Variants in TRAK2 observed in about 807,000 individuals in gnomAD.
The protein encoded by TRAK2 is trafficking kinesin-binding protein 2.
In TRAK2, 81 loss-of-function variants were observed where a neutral mutation model predicts 104.6. That is an observed-to-expected ratio of 0.77 (90% CI 0.65 to 0.93). The LOEUF is 0.93. Among genes scored for constraint, TRAK2 ranks in the 40% least tolerant of loss-of-function variants. TRAK2 has a pLI of 0.00. For missense variants in TRAK2, 1,002 were observed against 1,089.0 expected (o/e 0.92, Z 1.12); for synonymous variants, 406 against 394.4 (o/e 1.03, Z -0.35).
intron 9 of TRAK2, among the ~76,000 whole-genome samples, chr2:201,394,592 C>T (rs1219993006): frequency 1.3e-5 from 2 of 151,886 alleles, no homozygotes; most frequent in African/African-American, 4.8e-5. Flanking sequence ...CCACCCACCT[C>T]GGCCTCCCAA....
intron 1 of TRAK2, 63 bp downstream of exon 1, chr2:201,451,287 C>T (rs1444443001): frequency 2.6e-5 from 4 of 152,250 alleles, no homozygotes; most frequent in African/African-American, 9.6e-5. Flanking sequence ...ACGAGGAGGT[C>T]CCTCCGCTTT....
chr2:201,397,831 TCA>T lies in TRAK2; in HGVS notation c.691-253_691-252del. The T allele has an allele frequency of 2.3e-5, 13 of 554,654 alleles. No individual in the cohort carries two copies. The South Asian group carries it at 3.3e-4, about 14-fold the overall frequency. The allele number at this position is 554,654 out of a possible 1,614,324, so 34.4% of individuals were successfully genotyped here. On this transcript the variant is annotated intron_variant, in intron 6 of 15. Transcript: ENST00000332624. Reference sequence around the variant, plus strand: ...TTGTGATTTTCTGAGATAGTTCTTATCACAGTTGTAACTACTTAGTTACTTGT... The same window carrying T: ...TTGTGATTTTCTGAGATAGTTCTTATCAGTTGTAACTACTTAGTTACTTGT...
At chr2:201,395,177 A>T in intron 8 of TRAK2, 137 bp downstream of exon 8, 1 of 694,540 alleles carries the variant, frequency 1.4e-6, no homozygotes, top group Non-Finnish European at 2.3e-6. Context: ...AAAGATGATT[A>T]AAACAGCAAT....
Position 201,447,346 on chromosome 2 carries a change from T to C in TRAK2, c.-200+4004A>G, listed in dbSNP as rs545023634. Among the ~76,000 whole-genome samples, 4 of 152,378 alleles carry C rather than the reference T, an allele frequency of 2.6e-5. No homozygotes were observed. The South Asian group carries it at 8.3e-4, about 32-fold the overall frequency. On this transcript the variant is annotated intron_variant, in intron 1 of 15. Transcript: ENST00000332624. The surrounding 1 kb of genome is among the most constrained non-coding windows in gnomAD (Gnocchi z 4.1). ...AAGGCTTTTTGTATGTCAACTTCTA[T>C]CACCTAACCACAGCTTAAAGCCTTT...
At chr2:201,411,797 T>C in intron 2 of TRAK2, 1 of 805,222 alleles carries the variant, frequency 1.2e-6, no homozygotes, top group Admixed American at 1.7e-5. Context: ...CTAAGCACAC[T>C]AATGAATTTA....
chr2:201,440,294 T>C (rs921405335), intron 1 of TRAK2, among the ~76,000 whole-genome samples: 1 of 152,128 alleles, frequency 6.6e-6, no homozygotes, highest in African/African-American at 2.4e-5. Context: ...TACACTTTAC[T>C]GTTGCTAGCT....
At chr2:201,392,232 C>T (rs2714485) in intron 10 of TRAK2, among the ~76,000 whole-genome samples, 147,630 of 152,232 alleles carry the variant, frequency 0.97, 71,746 homozygotes, top group East Asian at 1. Context: ...CTTTATACTA[C>T]TCTTGGAACT....
chr2:201,397,130 T>C (rs950428918), intron 7 of TRAK2, among the ~76,000 whole-genome samples: 3 of 152,234 alleles, frequency 2.0e-5, no homozygotes, highest in Non-Finnish European at 4.4e-5. Flanking sequence ...TTAGGTTTTA[T>C]GCCATCATTT....
At chr2:201,399,622 T>C (rs1951532758) in intron 4 of TRAK2, 129 bp from the exon 5 acceptor site, 2 of 644,956 alleles carry the variant, frequency 3.1e-6, no homozygotes, top group African/African-American at 1.8e-5. Flanking sequence ...CATTCATTCA[T>C]TAAAATGAAT....
intron 15 of TRAK2, 94 bp from the exon 16 acceptor site, chr2:201,381,312 G>A (rs559970202): frequency 4.4e-6 from 5 of 1,144,658 alleles, no homozygotes; most frequent in East Asian, 2.6e-5. Context: ...GTTATCCTTG[G>A]TAAATATAAA....
Position 201,378,592 on chromosome 2 carries a change from A to G in TRAK2, c.*1951T>C, listed in dbSNP as rs1951309672. The stretch of plus-strand genomic sequence containing the variant: ...TGGTATTTTTTAAAAGTGAATTGGA[A>G]TATGCGGGAAATTTAAACAGCAGGG... On this transcript the variant is annotated 3_prime_UTR_variant, in exon 16 of 16. Transcript: ENST00000332624. 1 of 152,184 alleles carries G rather than the reference A, an allele frequency of 6.6e-6. No homozygotes were observed. The highest frequency in any genetic ancestry group is 2.4e-5 in the African/African-American group (1 of 41,448). The allele number at this position is 152,184 out of a possible 1,614,324, so 9.4% of individuals were successfully genotyped here.
At chr2:201,417,185 C>T (rs1576524852) in intron 2 of TRAK2, among the ~76,000 whole-genome samples, 1 of 125,040 alleles carries the variant, frequency 8.0e-6, no homozygotes, top group Admixed American at 9.6e-5. Flanking sequence ...GCATACTTCA[C>T]AACTCGTTTT....
At chr2:201,424,070 GTCCAGAATTGTCA>G (rs1341188650) in intron 1 of TRAK2, among the ~76,000 whole-genome samples, 3 of 152,030 alleles carry the variant, frequency 2.0e-5, no homozygotes, top group African/African-American at 7.2e-5. Context: ...ATATCGTATT[GTCCAGAATTGTCA>G]TCCCTAAACC....
At chr2:201,395,981 G>A (rs1188980856) in intron 7 of TRAK2, among the ~76,000 whole-genome samples, 1 of 152,128 alleles carries the variant, frequency 6.6e-6, no homozygotes, top group Non-Finnish European at 1.5e-5. Flanking sequence ...CCCCTTTCAG[G>A]GATATGTGGC....
chr2:201,389,913 T>C (rs774538518), intron 10 of TRAK2, 33 bp from the exon 11 acceptor site: 3 of 1,552,642 alleles, frequency 1.9e-6, no homozygotes, highest in South Asian at 1.1e-5. Context: ...TCTAAAGTGA[T>C]TGTTGCCCTT....
Position 201,381,043 on chromosome 2 carries a change from C to T in TRAK2, c.2245G>A (p.Gly749Ser). Residue 749 changes from glycine to serine, a missense_variant, in exon 16 of 16, where the codon GGC (glycine) becomes AGC (serine). Coordinates refer to ENST00000332624, the MANE Select transcript of TRAK2 (RefSeq NM_015049.3). Reference sequence around the variant, plus strand: ...CTGTGGTACACTTTGGCAGAGATGCCTCGCTCTTGTAGAAGTTTGGCCAAG... The same window carrying T: ...CTGTGGTACACTTTGGCAGAGATGCTTCGCTCTTGTAGAAGTTTGGCCAAG... ...MSLAKLLQER[G>S]ISAKVYHSPI... is the part of the protein sequence containing the mutation. The T allele has an allele frequency of 6.2e-7, 1 of 1,614,060 alleles. No homozygotes were observed. The highest frequency in any genetic ancestry group is 8.5e-7 in the Non-Finnish European group (1 of 1,179,992).
At chr2:201,397,456 A>G in intron 7 of TRAK2, 46 bp downstream of exon 7, 1 of 1,427,330 alleles carries the variant, frequency 7.0e-7, no homozygotes, top group South Asian at 1.2e-5. Flanking sequence ...ATACCCTACC[A>G]AAGAATTGTC....
At chr2:201,419,944 T>C (rs1951725709) in intron 2 of TRAK2, among the ~76,000 whole-genome samples, 1 of 152,216 alleles carries the variant, frequency 6.6e-6, no homozygotes, top group African/African-American at 2.4e-5. Context: ...TCTGGTTTGG[T>C]GGGCAAATGA....
At chr2:201,417,303 T>C (rs1951703062) in intron 2 of TRAK2, among the ~76,000 whole-genome samples, 2 of 142,194 alleles carry the variant, frequency 1.4e-5, no homozygotes, top group African/African-American at 5.2e-5. Flanking sequence ...CCCTTATTAA[T>C]GGGACTAGGA....
Sources: allele counts gnomAD v4.1 joint callset (sites outside exome capture counted in the v4.1 genomes callset), GRCh38; gene constraint gnomAD v4.1.1; non-coding constraint Gnocchi (gnomAD v3.1); transcripts MANE v1.5; gene names NCBI Gene and HGNC (gene_info 2026-07-23, HGNC 2026-07-21).